The following CEP170B variants were observed in gnomAD, a reference collection of about 807,000 sequenced individuals.
CEP170B encodes the protein centrosomal protein 170B, also known as centrosomal protein of 170 kDa protein B.
A neutral mutation model predicts 120.6 loss-of-function variants in CEP170B; 55 were observed. That is an observed-to-expected ratio of 0.46 (90% CI 0.37 to 0.57). The LOEUF (loss-of-function observed/expected upper bound fraction) is 0.57, where lower values mean the gene tolerates loss of function less well. Among genes scored for constraint, CEP170B ranks in the 20% least tolerant of loss-of-function variants. The probability of loss-of-function intolerance (pLI) is 0.00; values close to 1 mark genes in which losing one functional copy is unlikely to be tolerated. For missense variants in CEP170B, 2,212 were observed against 2,253.3 expected, an observed-to-expected ratio of 0.98 and a Z score of 0.37; for synonymous variants, 1,033 against 954.5, an observed-to-expected ratio of 1.08 and a Z score of -1.52.
rs1228160999 is a variant in CEP170B at position 104,887,359 on chromosome 14, C to T, written c.3120C>T (p.Ser1040=). ...AIRRGHRPRG[S]LDWPSEERGP... is the part of the protein sequence containing the mutation. ...GGCGTGGCCACAGGCCCCGAGGGTC[C>T]CTGGATTGGCCCAGTGAGGAGCGTG... is the stretch of plus-strand genomic sequence containing the variant. The change falls in exon 12 of 19, where the codon TCC becomes TCT. Residue 1040 remains serine (S), a synonymous_variant. Coordinates refer to ENST00000414716, the MANE Select transcript of CEP170B (RefSeq NM_001112726.3). 1.2e-6 allele frequency: 2 copies of T among 1,611,870 alleles called. No homozygotes were observed. Among genetic ancestry groups the T allele is most frequent in the African/African-American group, 1.3e-5 (1 of 74,944 alleles).
Position 104,865,976 on chromosome 14 carries a change from C to T in CEP170B, c.-28+463C>T, listed in dbSNP as rs946063474. ...GTCCCTGCCTCTCCCGGCCTGTGCGCTCCTTCCACCGCCGGCCTGCCCCGC... is the reference window on the plus strand; with the variant it reads ...GTCCCTGCCTCTCCCGGCCTGTGCGTTCCTTCCACCGCCGGCCTGCCCCGC... On this transcript the variant is annotated intron_variant, in intron 1 of 18. Transcript: ENST00000414716. The surrounding 1 kb of genome is among the most constrained non-coding windows in gnomAD (Gnocchi z 6.7). 1.3e-5 allele frequency among the ~76,000 whole-genome samples: 2 copies of T among 152,186 alleles called. No individual in the cohort carries two copies. The highest frequency in any genetic ancestry group is 2.9e-5 in the Non-Finnish European group (2 of 68,028).
At chr14:104,881,780 T>C (rs1223976010) in intron 6 of CEP170B, among the ~76,000 whole-genome samples, 2 of 152,040 alleles carry the variant, frequency 1.3e-5, no homozygotes, top group Non-Finnish European at 2.9e-5. Context: ...AGCCCCTGGG[T>C]GTGTCCCTGG....
chr14:104,883,089 C>G lies in CEP170B; in HGVS notation c.632C>G (p.Pro211Arg), dbSNP rs760160218. Residue 211 changes from proline to arginine, a missense_variant, in exon 8 of 19, where the codon CCT (proline) becomes CGT (arginine). Around this residue, in one of 2 missense-constraint regions of CEP170B, gnomAD observed 2,166 missense variants for 2,166.7 expected, o/e 1.00. Transcript: ENST00000414716. ...GGGGAGCTCCACGGCTTCCGCGCCC[C>G]TGCTGAGCCTCAGGGCTGCTCGTTC... Reference protein sequence around the residue: ...QDGELHGFRAPAEPQGCSFRR... With the variant: ...QDGELHGFRARAEPQGCSFRR... 6.3e-7 allele frequency: 1 copy of G among 1,574,984 alleles called. No individual in the cohort carries two copies. Among genetic ancestry groups the G allele is most frequent in the East Asian group, 2.3e-5 (1 of 43,192 alleles).
intron 13 of CEP170B, among the ~76,000 whole-genome samples, chr14:104,890,914 T>G (rs1302281512): frequency 3.2e-4 from 37 of 117,246 alleles, no homozygotes; most frequent in Admixed American, 4.7e-4. Flanking sequence ...GATGGATGGA[T>G]GGATGGATGG....
At position 104,894,318 on chromosome 14, in the gene CEP170B, G is replaced by A. The variant is rs1208833686; in HGVS notation, c.4305G>A (p.Glu1435=). 1.2e-6 allele frequency: 2 copies of A among 1,613,654 alleles called. No homozygotes were observed. The highest frequency in any genetic ancestry group is 1.1e-5 in the South Asian group (1 of 91,090). ...TTCAGAACACAGGGAGAGCTTGGGA[G>A]GACCTGGAAGCCAGGATCAACGCCG... ...ILFQNTGRAW[E]DLEARINAEN... is the part of the protein sequence containing the mutation. The change falls in exon 17 of 19, where the codon GAG becomes GAA. Residue 1435 remains glutamate, a synonymous_variant. Coordinates refer to ENST00000414716, the MANE Select transcript of CEP170B (RefSeq NM_001112726.3).
intron 13 of CEP170B, among the ~76,000 whole-genome samples, chr14:104,890,808 A>G (rs1190905893): frequency 4.0e-3 from 174 of 43,256 alleles, no homozygotes; most frequent in South Asian, 6.3e-3. Flanking sequence ...TGGATGGATG[A>G]GTGGGTGGGT....
At chr14:104,865,224 G>T (rs1323740054), upstream of CEP170B, 2 of 142,096 alleles carry the variant, frequency 1.4e-5, no homozygotes, top group Non-Finnish European at 3.1e-5. This position sits in a 1 kb window ranked among gnomAD's most constrained non-coding sequence, Gnocchi z 6.7. Context: ...GGGCGGGGGC[G>T]TGCCCGGGGC....
At chr14:104,869,860 A>G (rs1168203499) in intron 2 of CEP170B, among the ~76,000 whole-genome samples, 1 of 152,122 alleles carries the variant, frequency 6.6e-6, no homozygotes, top group Non-Finnish European at 1.5e-5. Context: ...CATTTGTGCC[A>G]TTTCCACATT....
In CEP170B at chr14:104,886,601, G is replaced by A. The variant is rs1013889005; in HGVS notation, c.2362G>A (p.Ala788Thr). ...TWSRGRRSPR[A>T]PGEPTPASFF... Reference sequence around the variant, plus strand: ...GAGCAGGGGTCGGCGCTCACCAAGGGCCCCCGGGGAGCCAACTCCCGCCTC... The same window carrying A: ...GAGCAGGGGTCGGCGCTCACCAAGGACCCCCGGGGAGCCAACTCCCGCCTC... Residue 788 changes from alanine to threonine, a missense_variant, in exon 12 of 19, where the codon GCC (alanine) becomes ACC (threonine). Physicochemically the swap from Ala to Thr is moderately conservative, Grantham distance 58. Around this residue, in one of 2 missense-constraint regions of CEP170B, gnomAD observed 2,166 missense variants for 2,166.7 expected, o/e 1.00. Transcript: ENST00000414716. 1.3e-6 allele frequency: 2 copies of A among 1,517,704 alleles called. No homozygotes were observed. The highest frequency in any genetic ancestry group is 1.8e-6 in the Non-Finnish European group (2 of 1,135,736). The allele number at this position is 1,517,704 out of a possible 1,614,324, so 94.0% of individuals were successfully genotyped here. A position where few individuals can be genotyped will look rare whatever the true frequency, so the allele number is the denominator to read the frequency against.
chr14:104,887,009 C>T lies in CEP170B; in HGVS notation c.2770C>T (p.Leu924=). ...GGAGACGGAGACGGCCCTGGCGGCC[C>T]TGGAGGCCCGACTCCTCTCTAATTC... ...LKETETALAA[L]EARLLSNSVD... The change falls in exon 12 of 19, where the codon CTG becomes TTG. Residue 924 remains leucine (L), a synonymous_variant. Transcript: ENST00000414716. The T allele has an allele frequency of 6.2e-7, 1 of 1,610,250 alleles. No individual in the cohort carries two copies. Among genetic ancestry groups the T allele is most frequent in the Non-Finnish European group, 8.5e-7 (1 of 1,179,806 alleles).
At chr14:104,872,274 GC>G (rs1366368308) in intron 2 of CEP170B, among the ~76,000 whole-genome samples, 2 of 117,476 alleles carry the variant, frequency 1.7e-5, no homozygotes, top group African/African-American at 3.6e-5. Context: ...GTGTGGGTGT[GC>G]CGTGTGTGTG....
chr14:104,894,340 G>T lies in CEP170B; in HGVS notation c.4327G>T (p.Ala1443Ser). The change falls in exon 17 of 19, where the codon GCC (alanine) becomes TCC (serine). Residue 1443 changes from alanine (A) to serine (S), a missense_variant. Transcript: ENST00000414716. ...GGAGGACCTGGAAGCCAGGATCAACGCCGAGAACGAGGTGCCCATCCTGAA... is the reference window on the plus strand; with the variant it reads ...GGAGGACCTGGAAGCCAGGATCAACTCCGAGAACGAGGTGCCCATCCTGAA... ...AWEDLEARIN[A>S]ENEVPILKTS... 6.2e-7 allele frequency: 1 copy of T among 1,613,600 alleles called. No individual in the cohort carries two copies. The highest frequency in any genetic ancestry group is 8.5e-7 in the Non-Finnish European group (1 of 1,179,884).
In CEP170B at chr14:104,894,999, T is replaced by A. The variant is rs1256395314; in HGVS notation, c.*41T>A. On this transcript the variant is annotated 3_prime_UTR_variant, in exon 19 of 19. Coordinates refer to ENST00000414716, the MANE Select transcript of CEP170B (RefSeq NM_001112726.3). ...AGGCCAGCCTCCCTGTGCGTGTGCG[T>A]CTCTGCCTTCCGTCCGCCGCACACC... The A allele has an allele frequency of 1.4e-6, 2 of 1,475,882 alleles. No homozygotes were observed. The highest frequency in any genetic ancestry group is 5.0e-5 in the East Asian group (2 of 39,924). 91.4% of individuals were successfully genotyped at this position (1,475,882 alleles called of 1,614,324 possible). A position where few individuals can be genotyped will look rare whatever the true frequency, so the allele number is the denominator to read the frequency against.
Position 104,891,059 on chromosome 14 carries a change from GTGGATGGA to G in CEP170B, c.3878+1318_3878+1325del, listed in dbSNP as rs373720795. On this transcript the variant is annotated intron_variant, in intron 13 of 18. Transcript: ENST00000414716. The surrounding 1 kb of genome is among the most constrained non-coding windows in gnomAD (Gnocchi z 4.3). ...GATGGATGGATGGATGAGTGGGTGG[GTGGATGGA>G]TGGATGGATGGATGGAGAGTGAGTG... 0.035 allele frequency among the ~76,000 whole-genome samples: 5,132 copies of G among 146,456 alleles called. 154 individuals carry two copies. The highest frequency in any genetic ancestry group is 0.055 in the Non-Finnish European group (3,606 of 65,962).
Position 104,884,114 on chromosome 14 carries a change from C to T in CEP170B, c.1335C>T (p.Arg445=), listed in dbSNP as rs750341823. ...RRGPTPADRD[R]PSVPAPVQAG... is the part of the protein sequence containing the mutation. ...GCCCAACGCCGGCCGATAGGGACCG[C>T]CCCAGTGTCCCAGCCCCAGTCCAGG... The change falls in exon 9 of 19, where the codon CGC becomes CGT. Residue 445 remains arginine (R), a synonymous_variant. Coordinates refer to ENST00000414716, the MANE Select transcript of CEP170B (RefSeq NM_001112726.3). 2 of 1,572,470 alleles carry T rather than the reference C, an allele frequency of 1.3e-6. No homozygotes were observed. Among genetic ancestry groups the T allele is most frequent in the Non-Finnish European group, 8.6e-7 (1 of 1,159,720 alleles).
At chr14:104,884,638 A>C (rs1896359660) in intron 9 of CEP170B, 89 bp downstream of exon 9, 3 of 1,157,066 alleles carry the variant, frequency 2.6e-6, no homozygotes, top group Non-Finnish European at 2.4e-6. Flanking sequence ...CTCGTGGGGA[A>C]CGGGGGGTGG....
In CEP170B at chr14:104,895,372, T is replaced by G; in HGVS notation, c.*414T>G. On this transcript the variant is annotated 3_prime_UTR_variant, in exon 19 of 19. Transcript: ENST00000414716. ...CAGGCACTAACCTGCCATAACCCTT[T>G]GTGCTGGCCTGCGGCCAGGCAGAGG... 1 of 165,452 alleles carries G rather than the reference T, an allele frequency of 6.0e-6. No homozygotes were observed. Among genetic ancestry groups the G allele is most frequent in the Non-Finnish European group, 1.3e-5 (1 of 77,108 alleles). The allele number at this position is 165,452 out of a possible 1,614,324, so 10.2% of individuals were successfully genotyped here.
chr14:104,882,035 G>A (rs1896183794), intron 6 of CEP170B, among the ~76,000 whole-genome samples: 1 of 152,154 alleles, frequency 6.6e-6, no homozygotes, highest in Non-Finnish European at 1.5e-5. Context: ...GGAGGGCCCA[G>A]GAAGGAGACT....
upstream of CEP170B, among the ~76,000 whole-genome samples, chr14:104,864,578 T>C (rs965634428): frequency 2.6e-5 from 4 of 152,090 alleles, no homozygotes; most frequent in Non-Finnish European, 5.9e-5. This position sits in a 1 kb window ranked among gnomAD's most constrained non-coding sequence, Gnocchi z 5.9. Flanking sequence ...AGCGCCTCCG[T>C]AGTTCCCAAC....
Sources: gnomAD v4.1 joint callset for allele counts (sites outside exome capture counted in the v4.1 genomes callset) on GRCh38, gnomAD v4.1.1 for gene constraint, gnomAD v4.1.1 regional missense constraint, Gnocchi (gnomAD v3.1) non-coding constraint, MANE v1.5 for transcripts, NCBI Gene and HGNC (gene_info 2026-07-23, HGNC 2026-07-21) for gene names.